The following RASSF3 variants were observed in gnomAD, a reference collection of about 807,000 sequenced individuals.
The protein encoded by RASSF3 is ras association domain-containing protein 3.
A neutral mutation model predicts 19.9 loss-of-function variants in RASSF3; 19 were observed. The observed-to-expected ratio is 0.96, with a 90% CI of 0.67 to 1.40. The LOEUF (loss-of-function observed/expected upper bound fraction) is 1.40, where lower values mean the gene tolerates loss of function less well. Among genes scored for constraint, RASSF3 ranks in the 40% most tolerant of loss-of-function variants. The pLI is 0.00. For missense variants in RASSF3, 306 were observed against 289.8 expected (o/e 1.06, Z -0.41); for synonymous variants, 110 against 104.2 (o/e 1.06, Z -0.34).
At chr12:64,678,176 C>G (rs867095141) in intron 1 of RASSF3, among the ~76,000 whole-genome samples, 3 of 152,186 alleles carry the variant, frequency 2.0e-5, no homozygotes, top group African/African-American at 4.8e-5. Flanking sequence ...GCCCACTGCT[C>G]CAATAAATGT....
chr12:64,623,117 G>A (rs934071923), intron 1 of RASSF3, among the ~76,000 whole-genome samples: 5 of 151,956 alleles, frequency 3.3e-5, no homozygotes, highest in Non-Finnish European at 7.4e-5. Flanking sequence ...CACCGCGCCC[G>A]GCCACCGTGA....
intron 1 of RASSF3, among the ~76,000 whole-genome samples, chr12:64,517,769 C>T (rs1868392955): frequency 6.6e-6 from 1 of 152,046 alleles, no homozygotes; most frequent in Non-Finnish European, 1.5e-5. Flanking sequence ...CAGGCACACA[C>T]CAGCATGCCC....
intron 1 of RASSF3, among the ~76,000 whole-genome samples, chr12:64,654,554 C>T (rs112209135): frequency 0.018 from 2,606 of 147,982 alleles, 82 homozygotes; most frequent in African/African-American, 0.062. Flanking sequence ...CCTGCAATCT[C>T]AGCATTTTGG....
intron 2 of RASSF3, among the ~76,000 whole-genome samples, chr12:64,563,742 C>G (rs1203950707): frequency 1.3e-5 from 2 of 152,222 alleles, no homozygotes; most frequent in Non-Finnish European, 2.9e-5. Flanking sequence ...CCTCTCTCAA[C>G]TGGCTCCTTG....
chr12:64,668,274 T>TTCTTCTTCTTCTTC (rs1323572304), intron 1 of RASSF3, among the ~76,000 whole-genome samples: 79 of 87,830 alleles, frequency 9.0e-4, no homozygotes, highest in Non-Finnish European at 1.4e-3. Flanking sequence ...TCTTCTTCTT[T>TTCTTCTTCTTCTTC]TTTTTTTTTT....
Position 64,610,582 on chromosome 12 carries a change from C to G in RASSF3, c.-51C>G. 1 of 1,174,376 alleles carries G rather than the reference C, an allele frequency of 8.5e-7. No individual in the cohort carries two copies. The highest frequency in any genetic ancestry group is 1.1e-6 in the Non-Finnish European group (1 of 886,806). 72.7% of individuals were successfully genotyped at this position (1,174,376 alleles called of 1,614,324 possible). On this transcript the variant is annotated 5_prime_UTR_variant, in exon 1 of 5. Coordinates refer to ENST00000542104, the MANE Select transcript of RASSF3 (RefSeq NM_178169.4). The stretch of plus-strand genomic sequence containing the variant: ...GGCTGGCGGGCGCCGCACCCCCTCC[C>G]TGGCCGCCTGCGCCCCGGGGAGGCC...
intron 1 of RASSF3, among the ~76,000 whole-genome samples, chr12:64,521,341 C>T (rs536848816): frequency 7.2e-4 from 109 of 152,296 alleles, no homozygotes; most frequent in African/African-American, 2.6e-3. Context: ...CCCAAAGTTC[C>T]TCTTGTGAGG....
intron 2 of RASSF3, among the ~76,000 whole-genome samples, chr12:64,570,183 A>G (rs893262160): frequency 1.3e-5 from 2 of 152,076 alleles, no homozygotes; most frequent in African/African-American, 4.8e-5. Context: ...AGATTTCTGG[A>G]TGTACTATTT....
chr12:64,516,574 C>G (rs371750371), intron 1 of RASSF3, among the ~76,000 whole-genome samples: 19 of 149,090 alleles, frequency 1.3e-4, no homozygotes, highest in African/African-American at 2.0e-4. Flanking sequence ...AGCCGAGATC[C>G]CGCCACTGCA....
upstream of RASSF3, among the ~76,000 whole-genome samples, chr12:64,529,866 G>A (rs1565833370): frequency 1.3e-5 from 2 of 152,168 alleles, no homozygotes; most frequent in South Asian, 4.1e-4. Context: ...AAACAGAAGA[G>A]AGAGGTTTCA....
chr12:64,582,030 G>C (rs1190143435), intron 2 of RASSF3, among the ~76,000 whole-genome samples: 31 of 151,890 alleles, frequency 2.0e-4, no homozygotes, highest in Non-Finnish European at 1.5e-5. Context: ...CACCACACTC[G>C]GCCAATTTTT....
rs377054466 is a variant in RASSF3 at position 64,626,151 on chromosome 12, A to G, written c.111+15408A>G. Among the ~76,000 whole-genome samples, 283 of 152,306 alleles carry G rather than the reference A, an allele frequency of 1.9e-3. 1 individual carries two copies. Among genetic ancestry groups the G allele is most frequent in the Middle Eastern group, 0.01 (3 of 294 alleles). ...TTGGCTGAGCTGTAGTGTTATTGAT[A>G]TATTTTTGTATAAATGTTATTATTA... On this transcript the variant is annotated intron_variant, in intron 1 of 4. Coordinates refer to ENST00000542104, the MANE Select transcript of RASSF3 (RefSeq NM_178169.4).
intron 1 of RASSF3, chr12:64,533,510 T>A (rs1868758740): frequency 6.6e-6 from 1 of 152,220 alleles, no homozygotes; most frequent in African/African-American, 2.4e-5. Context: ...TCATCTGAGT[T>A]CATTAATAAG....
chr12:64,690,225 A>G (rs1349738716), intron 3 of RASSF3, among the ~76,000 whole-genome samples: 2 of 150,820 alleles, frequency 1.3e-5, no homozygotes, highest in Non-Finnish European at 3.0e-5. Flanking sequence ...TCTGTTGCCC[A>G]GGCTGGTGTG....
At chr12:64,570,229 C>T (rs1869496850) in intron 2 of RASSF3, among the ~76,000 whole-genome samples, 1 of 152,104 alleles carries the variant, frequency 6.6e-6, no homozygotes, top group Non-Finnish European at 1.5e-5. Flanking sequence ...AAGGGTGTGT[C>T]TTTGTAAATG....
At chr12:64,563,279 G>C (rs1869378475) in intron 2 of RASSF3, among the ~76,000 whole-genome samples, 1 of 151,434 alleles carries the variant, frequency 6.6e-6, no homozygotes, top group African/African-American at 2.4e-5. Context: ...CGATTATCCT[G>C]CCTCAGCCTC....
rs1446324622 is a variant in RASSF3, at chr12:64,670,454, G to T, written c.112-14333G>T. On this transcript the variant is annotated intron_variant, in intron 1 of 4. Coordinates refer to ENST00000542104, the MANE Select transcript of RASSF3 (RefSeq NM_178169.4). ...TTTGTAAAAATGTTGAAATTTTTAT[G>T]CAGAAAGAGAAACAAAGTGGGGGCC... 2.1e-5 allele frequency among the ~76,000 whole-genome samples: 3 copies of T among 145,454 alleles called. No homozygotes were observed. In the East Asian group the frequency reaches 6.1e-4, roughly 30 times the overall value.
intron 1 of RASSF3, among the ~76,000 whole-genome samples, chr12:64,616,478 G>A (rs1056630300): frequency 2.8e-4 from 43 of 152,208 alleles, no homozygotes; most frequent in African/African-American, 9.4e-4. Flanking sequence ...ATTAGCCCTC[G>A]CATTTTCCAC....
chr12:64,622,777 C>A (rs923592636), intron 1 of RASSF3, among the ~76,000 whole-genome samples: 5 of 151,498 alleles, frequency 3.3e-5, no homozygotes, highest in Non-Finnish European at 5.9e-5. Context: ...TCCTTAATCC[C>A]CAATTTCTTA....
Sources: allele counts gnomAD v4.1 joint callset (sites outside exome capture counted in the v4.1 genomes callset), GRCh38; gene constraint gnomAD v4.1.1; transcripts MANE v1.5; gene names NCBI Gene and HGNC (gene_info 2026-07-23, HGNC 2026-07-21).